The following SNX9 variants were observed in gnomAD, a reference collection of about 807,000 sequenced individuals.
SNX9 encodes sorting nexin 9, also known as sorting nexin-9.
Under a neutral mutation model 89.4 loss-of-function variants are expected in SNX9, and 44 were observed. That is an observed-to-expected ratio of 0.49 (90% CI 0.39 to 0.63). The LOEUF is 0.63. Ranked by LOEUF, SNX9 falls within the 30% of genes least tolerant of loss-of-function variation. The pLI, the probability that SNX9 is intolerant of heterozygous loss-of-function variation, is 0.00. For synonymous variants in SNX9, 236 were observed against 247.8 expected, an observed-to-expected ratio of 0.95 and a Z score of 0.45; for missense variants, 578 against 736.1, an observed-to-expected ratio of 0.79 and a Z score of 2.49.
At chr6:157,843,995 C>T (rs966625067) in intron 1 of SNX9, among the ~76,000 whole-genome samples, 4 of 151,222 alleles carry the variant, frequency 2.6e-5, no homozygotes, top group Non-Finnish European at 4.4e-5. Flanking sequence ...CTGCCTTAGC[C>T]TCCTGCATAG....
chr6:157,851,998 C>A (rs981998758), intron 1 of SNX9, among the ~76,000 whole-genome samples: 2 of 152,096 alleles, frequency 1.3e-5, no homozygotes, highest in African/African-American at 2.4e-5. Context: ...GAATAATATT[C>A]CTTTGTATTT....
chr6:157,840,579 C>G (rs1016656894), intron 1 of SNX9, among the ~76,000 whole-genome samples: 2 of 151,346 alleles, frequency 1.3e-5, no homozygotes, highest in African/African-American at 2.4e-5. Context: ...AGTCAGTTTG[C>G]TTTGATACTG....
intron 13 of SNX9, 85 bp downstream of exon 13, chr6:157,932,357 C>T: frequency 8.1e-7 from 1 of 1,241,580 alleles, no homozygotes; most frequent in Non-Finnish European, 1.2e-6. Flanking sequence ...ACGCTAACTC[C>T]CTCCTCAGTG....
chr6:157,888,769 C>G (rs1401679571), intron 4 of SNX9, among the ~76,000 whole-genome samples: 1 of 152,106 alleles, frequency 6.6e-6, no homozygotes, highest in Non-Finnish European at 1.5e-5. Context: ...CTTACAGGAG[C>G]TCTTCTTGGG....
intron 1 of SNX9, among the ~76,000 whole-genome samples, chr6:157,859,072 C>A (rs1782068632): frequency 6.6e-6 from 1 of 152,084 alleles, no homozygotes; most frequent in Admixed American, 6.5e-5. Context: ...TAAGTTTATT[C>A]CTAAATATTT....
At chr6:157,879,524 A>G (rs1782584452) in intron 4 of SNX9, among the ~76,000 whole-genome samples, 2 of 152,250 alleles carry the variant, frequency 1.3e-5, no homozygotes, top group South Asian at 4.1e-4. Context: ...TACAGATTTT[A>G]TATTACCCAG....
At chr6:157,840,506 C>CT (rs1368873102) in intron 1 of SNX9, among the ~76,000 whole-genome samples, 2 of 136,466 alleles carry the variant, frequency 1.5e-5, no homozygotes, top group Non-Finnish European at 1.6e-5. Context: ...CTCTTTCTTT[C>CT]TTCTTTCTTT....
At chr6:157,877,242 C>T (rs963693768) in intron 4 of SNX9, among the ~76,000 whole-genome samples, 4 of 146,758 alleles carry the variant, frequency 2.7e-5, no homozygotes, top group East Asian at 2.0e-4. Flanking sequence ...AAATTTGTTT[C>T]GTTTAGGTTA....
At position 157,873,442 on chromosome 6, in the gene SNX9, AAGTT is replaced by A. The variant is rs1262534035; in HGVS notation, c.174+270_174+273del. Among the ~76,000 whole-genome samples, 9 of 148,936 alleles carry A rather than the reference AAGTT, an allele frequency of 6.0e-5. No individual in the cohort carries two copies. The East Asian group carries it at 1.7e-3, about 29-fold the overall frequency. On this transcript the variant is annotated intron_variant, in intron 3 of 17. Transcript: ENST00000392185. ...AGCAACTTTTAATTGGTCTGAATAAAAGTTAGTATTTTTCCTTTGCTAATATTAT... is the reference window on the plus strand; with the variant it reads ...AGCAACTTTTAATTGGTCTGAATAAAAGTATTTTTCCTTTGCTAATATTAT...
Position 157,839,322 on chromosome 6 carries a change from A to G in SNX9, c.12+15876A>G, listed in dbSNP as rs181390429. Among the ~76,000 whole-genome samples, 365 of 152,290 alleles carry G rather than the reference A, an allele frequency of 2.4e-3. 3 individuals carry two copies. Among genetic ancestry groups the G allele is most frequent in the Non-Finnish European group, 3.9e-3 (262 of 68,012 alleles). Reference sequence around the variant, plus strand: ...TAGTGTTTTGTTTCTCTTGAATTTTATATTTAGAATAAAAGAGAAATTATG... The same window carrying G: ...TAGTGTTTTGTTTCTCTTGAATTTTGTATTTAGAATAAAAGAGAAATTATG... On this transcript the variant is annotated intron_variant, in intron 1 of 17. Transcript: ENST00000392185.
At chr6:157,932,304 T>G (rs1383286574) in intron 13 of SNX9, 32 bp downstream of exon 13, 4 of 1,594,238 alleles carry the variant, frequency 2.5e-6, no homozygotes, top group Non-Finnish European at 3.4e-6. Flanking sequence ...CAGTGGGCCT[T>G]TAGAGCCTTA....
intron 1 of SNX9, among the ~76,000 whole-genome samples, chr6:157,851,763 G>T (rs565362355): frequency 6.6e-6 from 1 of 152,042 alleles, no homozygotes; most frequent in Admixed American, 6.5e-5. Context: ...CTAATTTTTT[G>T]TATTTTTAGT....
intron 10 of SNX9, among the ~76,000 whole-genome samples, chr6:157,922,729 T>C (rs1783607987): frequency 6.6e-6 from 1 of 152,238 alleles, no homozygotes; most frequent in Non-Finnish European, 1.5e-5. Flanking sequence ...ATGGAGATGC[T>C]TCACCATGTC....
chr6:157,873,074 T>TC, intron 2 of SNX9, 28 bp from the exon 3 acceptor site: 1 of 601,968 alleles, frequency 1.7e-6, no homozygotes, highest in South Asian at 4.5e-5. Flanking sequence ...ATCTTTTTCT[T>TC]TTTTTTTTTT....
chr6:157,836,676 C>T (rs573142050), intron 1 of SNX9, among the ~76,000 whole-genome samples: 3 of 151,792 alleles, frequency 2.0e-5, no homozygotes, highest in Non-Finnish European at 4.4e-5. Context: ...CTGCAAACTC[C>T]GCCTCCCAGG....
chr6:157,882,641 C>T (rs1381182088), intron 4 of SNX9, among the ~76,000 whole-genome samples: 3 of 152,102 alleles, frequency 2.0e-5, no homozygotes, highest in African/African-American at 7.2e-5. Context: ...AAGTAGATTC[C>T]AACCCTCATA....
At chr6:157,824,372 A>G (rs1781301887) in intron 1 of SNX9, among the ~76,000 whole-genome samples, 3 of 152,228 alleles carry the variant, frequency 2.0e-5, no homozygotes, top group African/African-American at 7.2e-5. Context: ...TACCTGAGCC[A>G]TTAACTGATC....
intron 12 of SNX9, among the ~76,000 whole-genome samples, chr6:157,930,269 A>T (rs1783781880): frequency 6.6e-6 from 1 of 152,234 alleles, no homozygotes; most frequent in Admixed American, 6.5e-5. Flanking sequence ...AGACATCAGG[A>T]ATAACAGTTG....
At chr6:157,844,599 T>TG (rs1410212510) in intron 1 of SNX9, among the ~76,000 whole-genome samples, 2 of 137,844 alleles carry the variant, frequency 1.5e-5, no homozygotes, top group African/African-American at 2.9e-5. Context: ...TTTTTTTTTT[T>TG]GTTTTTTTTT....
Sources: gnomAD v4.1 joint callset for allele counts (sites outside exome capture counted in the v4.1 genomes callset) on GRCh38, gnomAD v4.1.1 for gene constraint, MANE v1.5 for transcripts, NCBI Gene and HGNC (gene_info 2026-07-23, HGNC 2026-07-21) for gene names.